SHMT1: variants seen among roughly 807,000 people sequenced by gnomAD.
The protein encoded by SHMT1 is serine hydroxymethyltransferase, cytosolic.
SHMT1 carries 45 observed loss-of-function variants against 49.0 expected under a neutral mutation model. The observed-to-expected ratio is 0.92, with a 90% CI of 0.72 to 1.18. SHMT1 has a LOEUF of 1.18. Ranked by LOEUF, SHMT1 falls within the 50% of genes most tolerant of loss-of-function variation. The probability of loss-of-function intolerance (pLI) is 0.00; values close to 1 mark genes in which losing one functional copy is unlikely to be tolerated. For synonymous variants in SHMT1, 232 were observed against 246.6 expected (o/e 0.94, Z 0.55); for missense variants, 541 against 612.4 (o/e 0.88, Z 1.23).
chr17:18,343,743 A>T (rs1984782215), intron 5 of SHMT1, among the ~76,000 whole-genome samples: 1 of 150,852 alleles, frequency 6.6e-6, no homozygotes, highest in African/African-American at 2.4e-5. Context: ...AACATGGCAA[A>T]ACCTTGTCTC....
intron 3 of SHMT1, among the ~76,000 whole-genome samples, chr17:18,352,990 C>T (rs1985877116): frequency 6.6e-6 from 1 of 152,160 alleles, no homozygotes; most frequent in Non-Finnish European, 1.5e-5. Flanking sequence ...AGGAGAAAGA[C>T]AATGCCTTCA....
chr17:18,360,788 C>T (rs537782912), intron 1 of SHMT1, among the ~76,000 whole-genome samples: 34 of 152,178 alleles, frequency 2.2e-4, no homozygotes, highest in African/African-American at 8.2e-4. Flanking sequence ...AGAAATCAGG[C>T]TTGCACACCT....
Position 18,340,892 on chromosome 17 carries a change from C to T in SHMT1, c.520-79G>A. 1 of 984,418 alleles carries T rather than the reference C, an allele frequency of 1.0e-6. No individual in the cohort carries two copies. The highest frequency in any genetic ancestry group is 1.6e-6 in the Non-Finnish European group (1 of 631,144). The allele number at this position is 984,418 out of a possible 1,614,324, so 61.0% of individuals were successfully genotyped here. ...TCCTGTCCTCCCACTTGAACTGGCTCCACCCACCATGACAAGAGGAATGAT... is the reference window on the plus strand; with the variant it reads ...TCCTGTCCTCCCACTTGAACTGGCTTCACCCACCATGACAAGAGGAATGAT... On this transcript the variant is annotated intron_variant, in intron 5 of 11. Coordinates refer to ENST00000316694, the MANE Select transcript of SHMT1 (RefSeq NM_004169.5). This position sits in a 1 kb window ranked among gnomAD's most constrained non-coding sequence, Gnocchi z 4.5.
intron 3 of SHMT1, among the ~76,000 whole-genome samples, chr17:18,350,123 T>C (rs1985528999): frequency 6.6e-6 from 1 of 152,056 alleles, no homozygotes; most frequent in African/African-American, 2.4e-5. Flanking sequence ...GGTCAGGAGA[T>C]GGAGACCATC....
chr17:18,338,909 G>C (rs370856622), intron 7 of SHMT1, among the ~76,000 whole-genome samples: 2 of 151,994 alleles, frequency 1.3e-5, no homozygotes, highest in African/African-American at 4.8e-5. Flanking sequence ...CAAACACTGC[G>C]GAAAGCCGCA....
At chr17:18,358,287 C>A (rs554385738) in intron 1 of SHMT1, among the ~76,000 whole-genome samples, 6 of 150,762 alleles carry the variant, frequency 4.0e-5, no homozygotes, top group Admixed American at 6.6e-5. Flanking sequence ...GTCAGGAGAT[C>A]GAGACCATCC....
chr17:18,330,487 G>T, intron 10 of SHMT1, 68 bp downstream of exon 10: 1 of 1,141,848 alleles, frequency 8.8e-7, no homozygotes, highest in Non-Finnish European at 1.3e-6. Context: ...ATATTCATCA[G>T]CTACAACTTT....
chr17:18,339,565 C>CT lies in SHMT1; in HGVS notation c.814+477dup, dbSNP rs796296886. 2.3e-3 allele frequency among the ~76,000 whole-genome samples: 329 copies of CT among 145,812 alleles called. 1 individual carries two copies. Among genetic ancestry groups the CT allele is most frequent in the African/African-American group, 5.2e-3 (209 of 40,098 alleles). Reference sequence around the variant, plus strand: ...CTTCTGGGGATTCCTTTCTTTCTTTCTTTTTTTTTTTTTGAGACGGCATCT... The same window carrying CT: ...CTTCTGGGGATTCCTTTCTTTCTTTCTTTTTTTTTTTTTTGAGACGGCATCT... On this transcript the variant is annotated intron_variant, in intron 7 of 11. Coordinates refer to ENST00000316694, the MANE Select transcript of SHMT1 (RefSeq NM_004169.5).
rs755232487 is a variant in SHMT1, at chr17:18,328,864, T to C, written c.1338A>G (p.Lys446=). Residue 446 remains lysine (K), a synonymous_variant, in exon 12 of 12, where the codon AAA becomes AAG. Coordinates refer to ENST00000316694, the MANE Select transcript of SHMT1 (RefSeq NM_004169.5). ...QSDTGVRATL[K]EFKERLAGDK... ...CCCCTGCCAGTCTCTCCTTGAACTC[T>C]TTCAGGGTGGCTCTGACACCAGTGT... The C allele has an allele frequency of 4.3e-6, 7 of 1,613,858 alleles. No individual in the cohort carries two copies. The African/African-American group carries it at 6.7e-5, about 15-fold the overall frequency.
Position 18,353,681 on chromosome 17 carries a change from G to A in SHMT1, c.233C>T (p.Pro78Leu), listed in dbSNP as rs748338513. The part of the protein sequence containing the change: ...CLNNKYSEGY[P>L]GQRYYGGTEF... ...GAAGATATTCACATACCTCTGGCCCGGGTACCCCTCAGAGTATTTGTTATT... is the reference window on the plus strand; with the variant it reads ...GAAGATATTCACATACCTCTGGCCCAGGTACCCCTCAGAGTATTTGTTATT... Residue 78 changes from proline to leucine, a missense_variant, in exon 3 of 12, where the codon CCG (proline) becomes CTG (leucine). Coordinates refer to ENST00000316694, the MANE Select transcript of SHMT1 (RefSeq NM_004169.5). 8 of 1,613,904 alleles carry A rather than the reference G, an allele frequency of 5.0e-6. No homozygotes were observed. Among genetic ancestry groups the A allele is most frequent in the African/African-American group, 1.3e-5 (1 of 74,868 alleles).
At chr17:18,330,922 G>A (rs1983142839) in intron 9 of SHMT1, 2 of 510,740 alleles carry the variant, frequency 3.9e-6, no homozygotes, top group Non-Finnish European at 7.3e-6. Flanking sequence ...CATGGGGAAG[G>A]GACAGCTTCC....
intron 1 of SHMT1, among the ~76,000 whole-genome samples, chr17:18,359,232 T>C (rs2688036): frequency 0.71 from 106,608 of 150,566 alleles, 38,387 homozygotes; most frequent in African/African-American, 0.86. Flanking sequence ...AGCAAGACTC[T>C]GTCTCCAGGG....
chr17:18,353,406 G>C (rs1375710277), intron 3 of SHMT1: 1 of 481,948 alleles, frequency 2.1e-6, no homozygotes, highest in Non-Finnish European at 3.8e-6. Flanking sequence ...CAGTCCAGTG[G>C]CTCAATACTC....
chr17:18,348,214 C>A, intron 4 of SHMT1, 111 bp downstream of exon 4: 2 of 801,050 alleles, frequency 2.5e-6, no homozygotes, highest in Non-Finnish European at 4.3e-6. Context: ...GCCACTGGGC[C>A]CGGCCTATGG....
At chr17:18,335,466 T>C in intron 8 of SHMT1, 93 bp downstream of exon 8, 1 of 857,694 alleles carries the variant, frequency 1.2e-6, no homozygotes, top group Non-Finnish European at 2.0e-6. Flanking sequence ...TCCAGCTTTT[T>C]CCCCAGCGTG....
Position 18,335,772 on chromosome 17 carries a change from A to G in SHMT1, c.815-97T>C, listed in dbSNP as rs568569654. The G allele has an allele frequency of 1.5e-3, 1,335 of 889,548 alleles. 13 individuals carry two copies. Among genetic ancestry groups the G allele is most frequent in the Non-Finnish European group, 2.3e-4 (121 of 521,488 alleles). The allele number at this position is 889,548 out of a possible 1,614,324, so 55.1% of individuals were successfully genotyped here. A position where few individuals can be genotyped will look rare whatever the true frequency, so the allele number is the denominator to read the frequency against. The stretch of plus-strand genomic sequence containing the variant: ...GACTGGCCAGGGAAGAATCAAGCAC[A>G]AGCCTGGCCTTTATCCTGGCATGGA... On this transcript the variant is annotated intron_variant, in intron 7 of 11. Transcript: ENST00000316694.
At chr17:18,334,008 G>A (rs997083883) in intron 8 of SHMT1, among the ~76,000 whole-genome samples, 9 of 152,016 alleles carry the variant, frequency 5.9e-5, no homozygotes, top group Non-Finnish European at 5.9e-5. Flanking sequence ...GTGCAATCTC[G>A]GCTCACTGCA....
chr17:18,358,430 C>G (rs572362615), intron 1 of SHMT1, among the ~76,000 whole-genome samples: 1 of 151,064 alleles, frequency 6.6e-6, no homozygotes, highest in African/African-American at 2.4e-5. Context: ...TCAGAGGTTG[C>G]AGTGAGCCAA....
intron 7 of SHMT1, among the ~76,000 whole-genome samples, chr17:18,339,797 T>A (rs1984285202): frequency 6.6e-6 from 1 of 152,188 alleles, no homozygotes; most frequent in Non-Finnish European, 1.5e-5. Flanking sequence ...CCTGACCTCG[T>A]GATCTGCCCG....
Sources: gnomAD v4.1 joint callset for allele counts (sites outside exome capture counted in the v4.1 genomes callset) on GRCh38, gnomAD v4.1.1 for gene constraint, Gnocchi (gnomAD v3.1) non-coding constraint, MANE v1.5 for transcripts, NCBI Gene and HGNC (gene_info 2026-07-23, HGNC 2026-07-21) for gene names.